Variants in DRICH1 observed in about 807,000 individuals in gnomAD.
DRICH1 encodes aspartate rich 1, also known as aspartate-rich protein 1.
A neutral mutation model predicts 39.5 loss-of-function variants in DRICH1; 38 were observed. The observed-to-expected ratio is 0.96, with a 90% CI of 0.74 to 1.26. The LOEUF (loss-of-function observed/expected upper bound fraction) is 1.26, where lower values mean the gene tolerates loss of function less well. DRICH1 is among the 50% of genes most tolerant of loss of function. The pLI, the probability that DRICH1 is intolerant of heterozygous loss-of-function variation, is 0.00. For synonymous variants in DRICH1, 84 were observed against 99.5 expected (o/e 0.84, Z 0.93); for missense variants, 279 against 270.4 (o/e 1.03, Z -0.22).
At chr22:23,600,932 A>G in the DRICH1 span, among the ~76,000 whole-genome samples, 1 of 152,104 alleles carries the variant, frequency 6.6e-6, no homozygotes, top group East Asian at 1.9e-4. Flanking sequence ...TCGGCCTCCC[A>G]AAGTGCTGGG....
chr22:23,590,083 A>G, the DRICH1 span, among the ~76,000 whole-genome samples: 1 of 152,062 alleles, frequency 6.6e-6, no homozygotes, highest in Non-Finnish European at 1.5e-5. Context: ...TCTCTTGGGA[A>G]TTAAAGCCTC....
chr22:23,622,054 C>A, intron 4 of DRICH1, 37 bp downstream of exon 4: 1 of 1,606,478 alleles, frequency 6.2e-7, no homozygotes, highest in Non-Finnish European at 8.5e-7. Flanking sequence ...ATCAGAAAAC[C>A]AACATTTCCT....
chr22:23,617,121 G>A (rs1569090361), intron 7 of DRICH1, among the ~76,000 whole-genome samples: 1 of 152,174 alleles, frequency 6.6e-6, no homozygotes, highest in Admixed American at 6.5e-5. Context: ...GAGAAAAACT[G>A]GTGTGGAGGA....
Position 23,619,300 on chromosome 22 carries a change from T to C in DRICH1, c.436+64A>G, listed in dbSNP as rs865902537. The C allele has an allele frequency of 1.8e-4, 142 of 773,790 alleles. 4 individuals carry two copies. Among genetic ancestry groups the C allele is most frequent in the South Asian group, 1.1e-3 (78 of 73,604 alleles). The allele number at this position is 773,790 out of a possible 1,614,324, so 47.9% of individuals were successfully genotyped here. On this transcript the variant is annotated intron_variant, in intron 6 of 11. Coordinates refer to ENST00000317749, the MANE Select transcript of DRICH1 (RefSeq NM_016449.4). ...CAAATAAGTTGAAAGGCTTCCCATA[T>C]TCATGGATAGGAAGACTCAGCATGA...
chr22:23,582,578 T>TATTA, the DRICH1 span, among the ~76,000 whole-genome samples: 4 of 151,072 alleles, frequency 2.6e-5, no homozygotes, highest in African/African-American at 7.3e-5. Flanking sequence ...TTATTATTAT[T>TATTA]ATTTTGAGAT....
intron 2 of DRICH1, among the ~76,000 whole-genome samples, chr22:23,625,162 A>G (rs1381568289): frequency 6.6e-6 from 1 of 152,206 alleles, no homozygotes; most frequent in East Asian, 1.9e-4. Flanking sequence ...GTGGAGGAAA[A>G]TGCCTCTGCA....
the DRICH1 span, among the ~76,000 whole-genome samples, chr22:23,593,944 C>T: frequency 6.8e-6 from 1 of 147,716 alleles, no homozygotes; most frequent in South Asian, 2.1e-4. Flanking sequence ...CACCACTGCA[C>T]TCCAGCCTGG....
chr22:23,586,555 G>A, the DRICH1 span, among the ~76,000 whole-genome samples: 1 of 152,120 alleles, frequency 6.6e-6, no homozygotes, highest in African/African-American at 2.4e-5. Context: ...TTGTTTGTTT[G>A]TTTTTGAGAC....
intron 3 of DRICH1, among the ~76,000 whole-genome samples, chr22:23,623,144 C>T (rs1367445333): frequency 6.6e-6 from 1 of 152,122 alleles, no homozygotes; most frequent in Non-Finnish European, 1.5e-5. Flanking sequence ...GTGGCTCATG[C>T]CTATAATCCC....
the DRICH1 span, among the ~76,000 whole-genome samples, chr22:23,594,909 G>C: frequency 6.6e-6 from 1 of 151,346 alleles, no homozygotes; most frequent in Non-Finnish European, 1.5e-5. Flanking sequence ...CTTTGAAAGA[G>C]GTGAGCAGAG....
chr22:23,619,253 G>A, intron 6 of DRICH1, 111 bp downstream of exon 6: 3 of 649,668 alleles, frequency 4.6e-6, no homozygotes, highest in Non-Finnish European at 8.7e-6. Flanking sequence ...TCAACATAAA[G>A]TTTCTAAAAG....
At chr22:23,623,422 GAAAAA>G (rs1018715164) in intron 3 of DRICH1, among the ~76,000 whole-genome samples, 1 of 151,668 alleles carries the variant, frequency 6.6e-6, no homozygotes, top group Non-Finnish European at 1.5e-5. Flanking sequence ...AAAAAGAAAA[GAAAAA>G]AATAGAAATC....
chr22:23,614,540 G>A (rs1304056862), intron 8 of DRICH1, among the ~76,000 whole-genome samples: 1 of 152,102 alleles, frequency 6.6e-6, no homozygotes, highest in Non-Finnish European at 1.5e-5. Flanking sequence ...AAACCAACAG[G>A]ATTTTCTTAA....
At position 23,608,731 on chromosome 22, in the gene DRICH1, G is replaced by A. The variant is rs889097012; in HGVS notation, c.*33C>T. On this transcript the variant is annotated 3_prime_UTR_variant, in exon 12 of 12. Transcript: ENST00000317749. ...GCAGCACGCGCTGGCCTGCCCTTTGGGTCAGCACCCTGGTCAGCTCCACAG... is the reference window on the plus strand; with the variant it reads ...GCAGCACGCGCTGGCCTGCCCTTTGAGTCAGCACCCTGGTCAGCTCCACAG... 2 of 1,555,540 alleles carry A rather than the reference G, an allele frequency of 1.3e-6. No individual in the cohort carries two copies. Among genetic ancestry groups the A allele is most frequent in the Non-Finnish European group, 1.7e-6 (2 of 1,148,616 alleles).
chr22:23,612,095 G>A (rs1319464602), intron 11 of DRICH1, among the ~76,000 whole-genome samples: 5 of 152,174 alleles, frequency 3.3e-5, no homozygotes, highest in African/African-American at 1.2e-4. Context: ...CTCCACAAAA[G>A]TGAGTGCTGG....
In DRICH1 at chr22:23,632,065, C is replaced by G. The variant is rs370394160; in HGVS notation, c.-42G>C. On this transcript the variant is annotated 5_prime_UTR_variant, in exon 1 of 12. Transcript: ENST00000317749. ...TCTCCACTCCTGCCTCAGCCTTCAG[C>G]GAAATTGTAACTGTGCTGCCCTAGC... 6 of 1,609,924 alleles carry G rather than the reference C, an allele frequency of 3.7e-6. No homozygotes were observed. The highest frequency in any genetic ancestry group is 1.7e-5 in the Admixed American group (1 of 59,746).
chr22:23,630,193 C>T (rs983228415), intron 1 of DRICH1, among the ~76,000 whole-genome samples: 1 of 152,166 alleles, frequency 6.6e-6, no homozygotes, highest in Non-Finnish European at 1.5e-5. Flanking sequence ...CCACTGGGGC[C>T]CCATCTGATG....
the DRICH1 span, among the ~76,000 whole-genome samples, chr22:23,592,872 AC>A: frequency 8.3e-4 from 118 of 141,718 alleles, no homozygotes; most frequent in Middle Eastern, 7.1e-3. Context: ...ACACACACAC[AC>A]ACACACAAAA....
intron 3 of DRICH1, 118 bp downstream of exon 3, chr22:23,624,765 G>A: frequency 8.2e-7 from 1 of 1,225,878 alleles, no homozygotes. Flanking sequence ...TACACTCGCA[G>A]AATCATTTGC....
Sources: gnomAD v4.1 joint callset for allele counts (sites outside exome capture counted in the v4.1 genomes callset) on GRCh38, gnomAD v4.1.1 for gene constraint, MANE v1.5 for transcripts, NCBI Gene and HGNC (gene_info 2026-07-23, HGNC 2026-07-21) for gene names.